The following LINGO2 variants were observed in gnomAD, a reference collection of about 807,000 sequenced individuals.
The protein encoded by LINGO2 is leucine rich repeat and Ig domain containing 2.
In LINGO2, 14 loss-of-function variants were observed where a neutral mutation model predicts 30.6. That is an observed-to-expected ratio of 0.46 (90% CI 0.30 to 0.72). LINGO2 has a LOEUF of 0.72. Among genes scored for constraint, LINGO2 ranks in the 30% least tolerant of loss-of-function variants. The probability of loss-of-function intolerance (pLI) is 0.07; values close to 1 mark genes in which losing one functional copy is unlikely to be tolerated. For missense variants in LINGO2, 729 were observed against 751.7 expected, an observed-to-expected ratio of 0.97 and a Z score of 0.35; for synonymous variants, 317 against 288.5, an observed-to-expected ratio of 1.10 and a Z score of -1.00.
chr9:27,997,849 C>CCAAGT (rs1292880963), intron 5 of LINGO2, among the ~76,000 whole-genome samples: 2 of 151,828 alleles, frequency 1.3e-5, no homozygotes, highest in Non-Finnish European at 2.9e-5. Flanking sequence ...TTATTCCTTC[C>CCAAGT]CAAGTCATGT....
chr9:28,088,625 T>A (rs1013842498), intron 4 of LINGO2, among the ~76,000 whole-genome samples: 41 of 151,826 alleles, frequency 2.7e-4, no homozygotes, highest in Admixed American at 6.6e-4. Context: ...TAGCACGGGA[T>A]TAAGACCAAG....
rs1328835607 is a variant in LINGO2, at chr9:28,233,137, G to C, written c.-87+62071C>G. ...GGGTCTATGTGTGTGTGTATGTGTG[G>C]TCTGTGTGTGTGTGTGTGCGTATCT... is the stretch of plus-strand genomic sequence containing the variant. On this transcript the variant is annotated intron_variant, in intron 4 of 5. Transcript: ENST00000379992. Among the ~76,000 whole-genome samples, 6 of 144,806 alleles carry C rather than the reference G, an allele frequency of 4.1e-5. No homozygotes were observed. The East Asian group carries it at 1.2e-3, about 29-fold the overall frequency. 95.0% of individuals were successfully genotyped at this position (144,806 alleles called of 152,430 possible). A position where few individuals can be genotyped will look rare whatever the true frequency, so the allele number is the denominator to read the frequency against.
At chr9:29,132,415 T>C in the LINGO2 span, among the ~76,000 whole-genome samples, 2 of 152,104 alleles carry the variant, frequency 1.3e-5, no homozygotes, top group African/African-American at 4.8e-5. Flanking sequence ...AATCAGACAT[T>C]TGCATAGGGT....
the LINGO2 span, among the ~76,000 whole-genome samples, chr9:29,208,976 C>T: frequency 1.3e-5 from 2 of 152,072 alleles, no homozygotes; most frequent in East Asian, 1.9e-4. Flanking sequence ...GAGTGATAAT[C>T]CTTTTTTTAA....
chr9:28,090,331 T>C (rs1394429066), intron 4 of LINGO2, among the ~76,000 whole-genome samples: 1 of 152,060 alleles, frequency 6.6e-6, no homozygotes, highest in Non-Finnish European at 1.5e-5. Flanking sequence ...ACTGGCAAAC[T>C]GAATCCAGCA....
chr9:28,597,627 A>G (rs1000608644), intron 1 of LINGO2, among the ~76,000 whole-genome samples: 3 of 152,214 alleles, frequency 2.0e-5, no homozygotes, highest in Non-Finnish European at 4.4e-5. Flanking sequence ...GAAACCACAT[A>G]TCATAAGGAC....
chr9:27,991,378 G>A (rs1004420790), intron 5 of LINGO2, among the ~76,000 whole-genome samples: 15 of 151,950 alleles, frequency 9.9e-5, no homozygotes, highest in Admixed American at 9.8e-4. Flanking sequence ...GCAAGCAAGT[G>A]GATAGGTGAC....
chr9:28,120,511 T>G (rs1186957002), intron 4 of LINGO2, among the ~76,000 whole-genome samples: 1 of 152,182 alleles, frequency 6.6e-6, no homozygotes, highest in Non-Finnish European at 1.5e-5. Context: ...CTGCATTTGT[T>G]GGAAATATTC....
chr9:29,033,189 T>C, the LINGO2 span, among the ~76,000 whole-genome samples: 1 of 152,038 alleles, frequency 6.6e-6, no homozygotes, highest in Non-Finnish European at 1.5e-5. Context: ...TGTATGCCAA[T>C]ATTTTATTCT....
chr9:28,943,388 C>T, the LINGO2 span, among the ~76,000 whole-genome samples: 24,329 of 151,782 alleles, frequency 0.16, 1,991 homozygotes, highest in South Asian at 0.2. Flanking sequence ...AAAATGTGTC[C>T]TGCAAGCAAA....
chr9:28,781,414 G>C, the LINGO2 span, among the ~76,000 whole-genome samples: 1 of 152,110 alleles, frequency 6.6e-6, no homozygotes, highest in Non-Finnish European at 1.5e-5. Flanking sequence ...AGGAAGACAG[G>C]CAGAAGCTCC....
At chr9:27,989,120 C>T (rs1373707276) in intron 5 of LINGO2, among the ~76,000 whole-genome samples, 1 of 151,856 alleles carries the variant, frequency 6.6e-6, no homozygotes, top group Non-Finnish European at 1.5e-5. Flanking sequence ...ATCTTCTCCA[C>T]CTTGGGAAAT....
At position 28,329,033 on chromosome 9, in the gene LINGO2, G is replaced by A. The variant is rs148192559; in HGVS notation, c.-245-33667C>T. ...GACTTCTCAGGTTCTCACCCCATCCGTATACGAGCTAGGCCTTATCCCTTA... is the reference window on the plus strand; with the variant it reads ...GACTTCTCAGGTTCTCACCCCATCCATATACGAGCTAGGCCTTATCCCTTA... On this transcript the variant is annotated intron_variant, in intron 3 of 5. Coordinates refer to ENST00000379992, the Ensembl canonical transcript of LINGO2. The surrounding 1 kb of genome is among the most constrained non-coding windows in gnomAD (Gnocchi z 4.5). Among the ~76,000 whole-genome samples, 4 of 152,162 alleles carry A rather than the reference G, an allele frequency of 2.6e-5. No individual in the cohort carries two copies. The highest frequency in any genetic ancestry group is 2.1e-4 in the South Asian group (1 of 4,798).
chr9:28,035,298 A>G (rs1193938940), intron 4 of LINGO2, among the ~76,000 whole-genome samples: 1 of 152,244 alleles, frequency 6.6e-6, no homozygotes, highest in Non-Finnish European at 1.5e-5. Flanking sequence ...ATTTCCTTAT[A>G]GGACATATTT....
the LINGO2 span, among the ~76,000 whole-genome samples, chr9:29,070,939 C>T: frequency 2.0e-5 from 3 of 150,756 alleles, no homozygotes; most frequent in African/African-American, 7.3e-5. Flanking sequence ...TCCTTGTAAA[C>T]ATTTGTGCCC....
At chr9:29,212,340 C>G in the LINGO2 span, among the ~76,000 whole-genome samples, 1 of 151,872 alleles carries the variant, frequency 6.6e-6, no homozygotes, top group African/African-American at 2.4e-5. Flanking sequence ...ACCCGCTCCG[C>G]GGCGCCCGCT....
At chr9:28,952,966 A>C in the LINGO2 span, among the ~76,000 whole-genome samples, 1 of 152,234 alleles carries the variant, frequency 6.6e-6, no homozygotes, top group South Asian at 2.1e-4. Context: ...ATGTAAGTGA[A>C]ATGTATGCAC....
At chr9:28,408,349 A>G (rs1822596626) in intron 2 of LINGO2, among the ~76,000 whole-genome samples, 4 of 152,276 alleles carry the variant, frequency 2.6e-5, no homozygotes, top group Middle Eastern at 3.4e-3. Flanking sequence ...CTTGAGTATT[A>G]TCACTATTAT....
the LINGO2 span, among the ~76,000 whole-genome samples, chr9:29,110,805 C>A: frequency 1.3e-5 from 2 of 152,088 alleles, 1 homozygote; most frequent in Non-Finnish European, 2.9e-5. Context: ...GTTCTCCTAC[C>A]TCAGCCTCCC....
Sources: gnomAD v4.1 joint callset for allele counts (sites outside exome capture counted in the v4.1 genomes callset) on GRCh38, gnomAD v4.1.1 for gene constraint, Gnocchi (gnomAD v3.1) non-coding constraint, MANE v1.5 for transcripts, NCBI Gene and HGNC (gene_info 2026-07-23, HGNC 2026-07-21) for gene names.